Variants in KIF26B observed in about 807,000 individuals in gnomAD.
The protein encoded by KIF26B is kinesin family member 26B, also known as kinesin-like protein KIF26B.
KIF26B carries 63 observed loss-of-function variants against 151.2 expected under a neutral mutation model. The observed-to-expected ratio is 0.42, with a 90% confidence interval of 0.34 to 0.51. KIF26B has a LOEUF of 0.51. Among genes scored for constraint, KIF26B ranks in the 20% least tolerant of loss-of-function variants. The probability of loss-of-function intolerance (pLI) is 0.07; values close to 1 mark genes in which losing one functional copy is unlikely to be tolerated. For missense variants in KIF26B, 2,813 were observed against 2,913.6 expected, an observed-to-expected ratio of 0.97 and a Z score of 0.79; for synonymous variants, 1,357 against 1,262.1, an observed-to-expected ratio of 1.08 and a Z score of -1.59.
chr1:245,598,227 C>T (rs2103142113), intron 5 of KIF26B, among the ~76,000 whole-genome samples: 1 of 152,222 alleles, frequency 6.6e-6, no homozygotes, highest in South Asian at 2.1e-4. Context: ...ACTCGGGTTC[C>T]TGTGTGTCTG....
chr1:245,391,144 A>G (rs1673690421), intron 3 of KIF26B, among the ~76,000 whole-genome samples: 1 of 152,132 alleles, frequency 6.6e-6, no homozygotes. Context: ...AACTCAGTAA[A>G]CCAGTATTTT....
intron 4 of KIF26B, among the ~76,000 whole-genome samples, chr1:245,482,124 C>T (rs1238844517): frequency 6.6e-6 from 1 of 151,768 alleles, no homozygotes; most frequent in African/African-American, 2.4e-5. Flanking sequence ...CAGAGTCTTG[C>T]TCTGTCACCC....
chr1:245,667,750 C>A lies in KIF26B; in HGVS notation c.2259-16483C>A, dbSNP rs1354650215. 6.6e-6 allele frequency among the ~76,000 whole-genome samples: 1 copy of A among 152,182 alleles called. No homozygotes were observed. Among genetic ancestry groups the A allele is most frequent in the Non-Finnish European group, 1.5e-5 (1 of 68,034 alleles). ...CATTTGGGCCATCCAGGCAACTCACCAAGTCCCTTCGCAGCACTCCTGAAA... is the reference window on the plus strand; with the variant it reads ...CATTTGGGCCATCCAGGCAACTCACAAAGTCCCTTCGCAGCACTCCTGAAA... On this transcript the variant is annotated intron_variant, in intron 10 of 14. Transcript: ENST00000407071. This position sits in a 1 kb window ranked among gnomAD's most constrained non-coding sequence, Gnocchi z 4.3.
chr1:245,266,494 C>G (rs1670748250), intron 2 of KIF26B, among the ~76,000 whole-genome samples: 1 of 151,712 alleles, frequency 6.6e-6, no homozygotes, highest in Non-Finnish European at 1.5e-5. Context: ...TTACCATTTT[C>G]TTTTCTTTCT....
intron 5 of KIF26B, among the ~76,000 whole-genome samples, chr1:245,544,101 G>C (rs771525995): frequency 1.2e-4 from 18 of 152,072 alleles, no homozygotes; most frequent in Admixed American, 5.2e-4. Flanking sequence ...CATCCTCCCA[G>C]ACTCCTGCTC....
chr1:245,209,326 G>A (rs1294182395), intron 2 of KIF26B, among the ~76,000 whole-genome samples: 8 of 152,146 alleles, frequency 5.3e-5, no homozygotes, highest in South Asian at 2.1e-4. Context: ...GCTTGAACCC[G>A]GGAGGCGGAG....
intron 10 of KIF26B, among the ~76,000 whole-genome samples, chr1:245,652,683 C>T (rs574518163): frequency 1.3e-5 from 2 of 152,170 alleles, no homozygotes; most frequent in Non-Finnish European, 2.9e-5. Flanking sequence ...ACACTGGGTT[C>T]AAGCTTTGGT....
intron 4 of KIF26B, among the ~76,000 whole-genome samples, chr1:245,496,045 C>G (rs71636571): frequency 0.033 from 5,036 of 152,056 alleles, 131 homozygotes; most frequent in Non-Finnish European, 0.05. Flanking sequence ...CATCAGTAGA[C>G]CAACACTAAA....
chr1:245,338,718 A>T (rs780007742), intron 2 of KIF26B, among the ~76,000 whole-genome samples: 1 of 152,130 alleles, frequency 6.6e-6, no homozygotes, highest in Non-Finnish European at 1.5e-5. Context: ...AGTATGTTGT[A>T]ACCTCTGACC....
At chr1:245,462,789 C>G (rs551281282) in intron 4 of KIF26B, among the ~76,000 whole-genome samples, 2 of 152,236 alleles carry the variant, frequency 1.3e-5, no homozygotes, top group East Asian at 3.9e-4. Context: ...GGTGGACTGA[C>G]TTTAGAGGCT....
Position 245,279,892 on chromosome 1 carries a change from G to A in KIF26B, c.466-86942G>A, listed in dbSNP as rs560402964. Among the ~76,000 whole-genome samples the A allele has an allele frequency of 3.6e-4, 55 of 151,754 alleles. 1 individual carries two copies. The highest frequency in any genetic ancestry group is 6.3e-4 in the Non-Finnish European group (43 of 67,972). On this transcript the variant is annotated intron_variant, in intron 2 of 14. Coordinates refer to ENST00000407071, the MANE Select transcript of KIF26B (RefSeq NM_018012.4). ...TCATTTTTTTTAGCTTGACTCCCTC[G>A]TAAATCTTTAGCTTCATTGATTTGG...
At chr1:245,637,256 G>A (rs1488260607) in intron 9 of KIF26B, among the ~76,000 whole-genome samples, 2 of 152,018 alleles carry the variant, frequency 1.3e-5, no homozygotes, top group African/African-American at 2.4e-5. Flanking sequence ...GCACTTTCCT[G>A]ATGATTAGTG....
chr1:245,666,769 G>A (rs890290622), intron 10 of KIF26B, among the ~76,000 whole-genome samples: 2 of 151,860 alleles, frequency 1.3e-5, no homozygotes, highest in Non-Finnish European at 1.5e-5. Context: ...AGGGTTATCC[G>A]CCCTTTTAAC....
chr1:245,513,702 C>T (rs771841435), intron 4 of KIF26B, among the ~76,000 whole-genome samples: 4 of 152,134 alleles, frequency 2.6e-5, no homozygotes, highest in Non-Finnish European at 5.9e-5. Flanking sequence ...AAGCTGGGAG[C>T]CCAAGAAATG....
At position 245,560,311 on chromosome 1, in the gene KIF26B, C is replaced by G. The variant is rs571286874; in HGVS notation, c.1350+19361C>G. 1.7e-3 allele frequency among the ~76,000 whole-genome samples: 260 copies of G among 152,266 alleles called. 1 individual carries two copies. Among genetic ancestry groups the G allele is most frequent in the African/African-American group, 6.1e-3 (254 of 41,564 alleles). On this transcript the variant is annotated intron_variant, in intron 5 of 14. Transcript: ENST00000407071. The surrounding 1 kb of genome is among the most constrained non-coding windows in gnomAD (Gnocchi z 4.3). The stretch of plus-strand genomic sequence containing the variant: ...AGATACCCTCCAGACATAGGTCCGG[C>G]CTCTCAGGAGTTTTCATTCTCCTGA...
intron 9 of KIF26B, among the ~76,000 whole-genome samples, chr1:245,632,560 C>T (rs2043792185): frequency 1.3e-5 from 2 of 152,126 alleles, no homozygotes; most frequent in Admixed American, 1.3e-4. Context: ...GGATTAAGTT[C>T]AATGTTTCTT....
At chr1:245,391,704 A>G (rs1673706320) in intron 3 of KIF26B, among the ~76,000 whole-genome samples, 1 of 152,070 alleles carries the variant, frequency 6.6e-6, no homozygotes, top group Non-Finnish European at 1.5e-5. Flanking sequence ...TAAAACAGCA[A>G]TGCCACTTTT....
intron 3 of KIF26B, among the ~76,000 whole-genome samples, chr1:245,401,116 T>G (rs184281656): frequency 5.3e-5 from 8 of 152,358 alleles, no homozygotes; most frequent in Admixed American, 1.3e-4. Context: ...AAGAAAATCC[T>G]GAACTCACTT....
chr1:245,657,121 C>T (rs1249040661), intron 10 of KIF26B, among the ~76,000 whole-genome samples: 1 of 126,294 alleles, frequency 7.9e-6, no homozygotes, highest in Non-Finnish European at 1.7e-5. Flanking sequence ...CACTCCCTAC[C>T]GATGAGATCA....
Sources: gnomAD v4.1 joint callset for allele counts (sites outside exome capture counted in the v4.1 genomes callset) on GRCh38, gnomAD v4.1.1 for gene constraint, Gnocchi (gnomAD v3.1) non-coding constraint, MANE v1.5 for transcripts, NCBI Gene and HGNC (gene_info 2026-07-23, HGNC 2026-07-21) for gene names.